The following MDGA2 variants were observed in gnomAD, a reference collection of about 807,000 sequenced individuals.
The protein encoded by MDGA2 is MAM domain containing glycosylphosphatidylinositol anchor 2, also known as MAM domain-containing glycosylphosphatidylinositol anchor protein 2.
In MDGA2, 40 loss-of-function variants were observed where a neutral mutation model predicts 117.8. That is an observed-to-expected ratio of 0.34 (90% CI 0.26 to 0.44). The LOEUF (loss-of-function observed/expected upper bound fraction) is 0.44, where lower values mean the gene tolerates loss of function less well. Among genes scored for constraint, MDGA2 ranks in the 20% least tolerant of loss-of-function variants. MDGA2 has a pLI of 1.00. For synonymous variants in MDGA2, 452 were observed against 439.0 expected, an observed-to-expected ratio of 1.03 and a Z score of -0.37; for missense variants, 1,123 against 1,250.6, an observed-to-expected ratio of 0.90 and a Z score of 1.54.
At chr14:47,372,514 T>G (rs1218129328) in intron 1 of MDGA2, among the ~76,000 whole-genome samples, 1 of 151,950 alleles carries the variant, frequency 6.6e-6, no homozygotes, top group East Asian at 1.9e-4. Context: ...GCAAATTAAA[T>G]CAACAACGAA....
chr14:47,323,786 A>C (rs1053024421), intron 1 of MDGA2, among the ~76,000 whole-genome samples: 1 of 152,240 alleles, frequency 6.6e-6, no homozygotes, highest in East Asian at 1.9e-4. Flanking sequence ...TGGCAAAAGC[A>C]CAAGAGGGAA....
intron 1 of MDGA2, among the ~76,000 whole-genome samples, chr14:47,558,436 T>A (rs1418048259): frequency 6.6e-6 from 1 of 152,158 alleles, no homozygotes; most frequent in Non-Finnish European, 1.5e-5. Context: ...CACTCTGCAG[T>A]TTTCTGGGGG....
At chr14:47,055,791 C>T (rs2138753101) in intron 7 of MDGA2, among the ~76,000 whole-genome samples, 1 of 152,206 alleles carries the variant, frequency 6.6e-6, no homozygotes, top group African/African-American at 2.4e-5. Context: ...TTGCCTATGG[C>T]AGCTTGCCCA....
At chr14:47,113,229 T>TTA (rs1881141943) in intron 5 of MDGA2, among the ~76,000 whole-genome samples, 2 of 152,052 alleles carry the variant, frequency 1.3e-5, no homozygotes, top group Admixed American at 1.3e-4. Context: ...AATTAATAAA[T>TTA]TCTTAGACAC....
At chr14:46,889,451 A>G (rs1882795422) in intron 10 of MDGA2, among the ~76,000 whole-genome samples, 1 of 152,094 alleles carries the variant, frequency 6.6e-6, no homozygotes, top group Non-Finnish European at 1.5e-5. Flanking sequence ...TGTCTAAATT[A>G]AAGAGTTTTC....
chr14:47,557,613 T>C (rs765636681), intron 1 of MDGA2, among the ~76,000 whole-genome samples: 5 of 152,138 alleles, frequency 3.3e-5, no homozygotes, highest in Non-Finnish European at 5.9e-5. Flanking sequence ...CAGTTCAAAA[T>C]GGAGAAAAAT....
chr14:47,605,394 C>T (rs1443453222), intron 1 of MDGA2, among the ~76,000 whole-genome samples: 1 of 152,118 alleles, frequency 6.6e-6, no homozygotes, highest in Non-Finnish European at 1.5e-5. Context: ...ACTTTATGTA[C>T]TAAAATGTAG....
chr14:47,459,075 C>T (rs1307973751), intron 1 of MDGA2, among the ~76,000 whole-genome samples: 1 of 151,844 alleles, frequency 6.6e-6, no homozygotes, highest in African/African-American at 2.4e-5. Flanking sequence ...ATGCCTATGG[C>T]TCAGCCTATT....
At chr14:47,173,034 G>A (rs563217634) in intron 3 of MDGA2, among the ~76,000 whole-genome samples, 2 of 152,266 alleles carry the variant, frequency 1.3e-5, no homozygotes, top group East Asian at 1.9e-4. Context: ...CGATCAACTG[G>A]AAGAAAGGGT....
chr14:46,876,162 T>A (rs1398629081), intron 12 of MDGA2, among the ~76,000 whole-genome samples: 1 of 151,424 alleles, frequency 6.6e-6, no homozygotes, highest in Non-Finnish European at 1.5e-5. Flanking sequence ...ACAAAGATAC[T>A]TAAGCAACAT....
At chr14:47,495,652 C>G (rs945787050) in intron 1 of MDGA2, among the ~76,000 whole-genome samples, 1 of 152,112 alleles carries the variant, frequency 6.6e-6, no homozygotes, top group Non-Finnish European at 1.5e-5. Flanking sequence ...GATAGACCTA[C>G]CTTCAAGGAA....
At chr14:47,340,173 A>T (rs1191021005) in intron 1 of MDGA2, among the ~76,000 whole-genome samples, 1 of 152,094 alleles carries the variant, frequency 6.6e-6, no homozygotes, top group African/African-American at 2.4e-5. Context: ...AGGGGTCCTC[A>T]GTTTCACAGG....
At chr14:47,284,224 T>C (rs1466425035) in intron 2 of MDGA2, among the ~76,000 whole-genome samples, 1 of 152,156 alleles carries the variant, frequency 6.6e-6, no homozygotes, top group Non-Finnish European at 1.5e-5. Flanking sequence ...ATTAATTAAG[T>C]AGAATTTGGA....
At chr14:46,857,596 T>C (rs1458026975) in intron 14 of MDGA2, among the ~76,000 whole-genome samples, 1 of 152,146 alleles carries the variant, frequency 6.6e-6, no homozygotes, top group East Asian at 1.9e-4. Flanking sequence ...TTGCTCAGGG[T>C]TATGCTGAGT....
chr14:46,886,594 TTTTTGTTTTG>T (rs563462528), intron 10 of MDGA2, among the ~76,000 whole-genome samples: 1 of 151,834 alleles, frequency 6.6e-6, no homozygotes, highest in Non-Finnish European at 1.5e-5. Context: ...TACCAGGTGA[TTTTTGTTTTG>T]TTTTGTTTTG....
chr14:47,522,426 G>A (rs1363612145), intron 1 of MDGA2, among the ~76,000 whole-genome samples: 3 of 151,966 alleles, frequency 2.0e-5, no homozygotes, highest in African/African-American at 7.2e-5. Flanking sequence ...AGTTGGAAGT[G>A]TTCTCTAAAG....
At chr14:47,382,026 C>G (rs1245800229) in intron 1 of MDGA2, among the ~76,000 whole-genome samples, 1 of 152,112 alleles carries the variant, frequency 6.6e-6, no homozygotes, top group Non-Finnish European at 1.5e-5. Context: ...TGGAACAGAA[C>G]AGAGCCCTCA....
intron 1 of MDGA2, among the ~76,000 whole-genome samples, chr14:47,327,982 C>T (rs976452128): frequency 2.0e-5 from 3 of 152,092 alleles, no homozygotes; most frequent in Non-Finnish European, 4.4e-5. Context: ...TGCTGAATGA[C>T]GTAGAGTAAT....
intron 1 of MDGA2, among the ~76,000 whole-genome samples, chr14:47,463,787 C>T (rs1893541481): frequency 6.6e-6 from 1 of 152,064 alleles, no homozygotes. Flanking sequence ...ATTTAATCAT[C>T]ATATTTTTGT....
Sources: gnomAD v4.1 joint callset for allele counts (sites outside exome capture counted in the v4.1 genomes callset) on GRCh38, gnomAD v4.1.1 for gene constraint, MANE v1.5 for transcripts, NCBI Gene and HGNC (gene_info 2026-07-23, HGNC 2026-07-21) for gene names.